The following ACSS3 variants were observed in gnomAD, a reference collection of about 807,000 sequenced individuals.
ACSS3 encodes the protein acyl-CoA synthetase short-chain family member 3, mitochondrial.
In ACSS3, 64 loss-of-function variants were observed where a neutral mutation model predicts 84.2. The ratio of observed to expected loss-of-function variants is 0.76; its 90% CI spans 0.62 to 0.94. ACSS3 has a LOEUF of 0.94. Among genes scored for constraint, ACSS3 ranks in the 40% least tolerant of loss-of-function variants. ACSS3 has a pLI of 0.00. For synonymous variants in ACSS3, 317 were observed against 310.1 expected, an observed-to-expected ratio of 1.02 and a Z score of -0.23; for missense variants, 815 against 867.6, an observed-to-expected ratio of 0.94 and a Z score of 0.76.
intron 13 of ACSS3, among the ~76,000 whole-genome samples, chr12:81,250,187 G>A (rs1441082467): frequency 6.6e-6 from 1 of 151,990 alleles, no homozygotes; most frequent in Non-Finnish European, 1.5e-5. Flanking sequence ...TCCCTTGAAT[G>A]TTGCCAAGAC....
At chr12:81,158,380 G>A (rs114290898) in intron 7 of ACSS3, 35 of 153,430 alleles carry the variant, frequency 2.3e-4, no homozygotes, top group African/African-American at 8.5e-4. Flanking sequence ...ACACTCAACA[G>A]CTTCAACAGC....
intron 7 of ACSS3, among the ~76,000 whole-genome samples, chr12:81,165,632 C>T (rs948054890): frequency 2.0e-5 from 3 of 149,890 alleles, no homozygotes; most frequent in Non-Finnish European, 3.0e-5. Context: ...GGCAACAGAG[C>T]GAGACTCTGT....
At chr12:81,183,671 A>G (rs879606640) in intron 8 of ACSS3, among the ~76,000 whole-genome samples, 6 of 152,050 alleles carry the variant, frequency 3.9e-5, no homozygotes, top group Non-Finnish European at 5.9e-5. Context: ...GATAAAATAG[A>G]CTTCAAATCA....
At chr12:81,178,846 G>T (rs775349680) in intron 8 of ACSS3, among the ~76,000 whole-genome samples, 1 of 152,112 alleles carries the variant, frequency 6.6e-6, no homozygotes, top group Non-Finnish European at 1.5e-5. Flanking sequence ...AAAGCAATTT[G>T]AAACAAAAAG....
intron 7 of ACSS3, among the ~76,000 whole-genome samples, chr12:81,156,930 G>C (rs1365993773): frequency 6.6e-6 from 1 of 152,120 alleles, no homozygotes; most frequent in African/African-American, 2.4e-5. Flanking sequence ...ATGTTTAAGG[G>C]AGAATCAATA....
At chr12:81,127,223 G>A (rs889478018) in intron 2 of ACSS3, among the ~76,000 whole-genome samples, 3 of 151,714 alleles carry the variant, frequency 2.0e-5, no homozygotes, top group Non-Finnish European at 4.4e-5. Flanking sequence ...AATTGTAACT[G>A]TCTAAAAATG....
intron 11 of ACSS3, among the ~76,000 whole-genome samples, chr12:81,224,866 G>C (rs1232006568): frequency 6.6e-6 from 1 of 151,784 alleles, no homozygotes; most frequent in Non-Finnish European, 1.5e-5. Context: ...TTGGTTATCA[G>C]ATCGGCTGTC....
intron 1 of ACSS3, among the ~76,000 whole-genome samples, chr12:81,101,874 T>G (rs1384261074): frequency 6.6e-6 from 1 of 152,172 alleles, no homozygotes; most frequent in African/African-American, 2.4e-5. Flanking sequence ...CATTTTGTTT[T>G]CATCAGTGGA....
intron 2 of ACSS3, chr12:81,124,476 T>G (rs1461969751): frequency 6.6e-6 from 1 of 152,214 alleles, no homozygotes; most frequent in Non-Finnish European, 1.5e-5. Flanking sequence ...CAATCCAATT[T>G]CTTATTGTCT....
chr12:81,172,412 C>G (rs751563973), intron 7 of ACSS3, among the ~76,000 whole-genome samples: 14 of 152,040 alleles, frequency 9.2e-5, no homozygotes, highest in Non-Finnish European at 1.9e-4. Flanking sequence ...TGAGCACATC[C>G]CAGCACAGTT....
intron 8 of ACSS3, among the ~76,000 whole-genome samples, chr12:81,183,419 A>G (rs2031067278): frequency 6.6e-6 from 1 of 152,164 alleles, no homozygotes; most frequent in Admixed American, 6.5e-5. Context: ...AGAAGCTACA[A>G]AATAACTAGA....
chr12:81,253,320 A>G lies in ACSS3; in HGVS notation c.1733A>G (p.His578Arg). 1.9e-6 allele frequency: 3 copies of G among 1,613,778 alleles called. No homozygotes were observed. The highest frequency in any genetic ancestry group is 1.7e-6 in the Non-Finnish European group (2 of 1,179,802). Residue 578 changes from histidine (H) to arginine (R), a missense_variant, in exon 14 of 16, where the codon CAT becomes CGT. Physicochemically the swap from His to Arg is conservative, Grantham distance 29. Transcript: ENST00000548058. ...TCCTTATTACAGTCAATCCTTTCCC[A>G]TGGTACCGTGGCAGACTGTGCTGTT... ...AGAIEESILS[H>R]GTVADCAVVG...
At chr12:81,189,869 C>T (rs962666830) in intron 8 of ACSS3, among the ~76,000 whole-genome samples, 15 of 152,036 alleles carry the variant, frequency 9.9e-5, no homozygotes, top group African/African-American at 2.9e-4. Context: ...TGAAGTAAGG[C>T]GCTGAGTTTT....
intron 7 of ACSS3, among the ~76,000 whole-genome samples, chr12:81,152,433 CT>C (rs986880527): frequency 6.6e-6 from 1 of 152,042 alleles, no homozygotes; most frequent in African/African-American, 2.4e-5. Context: ...GTAGATTCAC[CT>C]TTTTTATTTT....
chr12:81,154,059 G>A (rs947798872), intron 7 of ACSS3, among the ~76,000 whole-genome samples: 4 of 152,086 alleles, frequency 2.6e-5, no homozygotes, highest in Non-Finnish European at 5.9e-5. Context: ...TTAGGTATTT[G>A]TAATAATTAA....
intron 11 of ACSS3, among the ~76,000 whole-genome samples, chr12:81,227,404 C>CAA (rs759099196): frequency 4.6e-5 from 7 of 151,192 alleles, no homozygotes; most frequent in South Asian, 2.1e-4. Context: ...TATTTACACA[C>CAA]ACACACACAC....
At chr12:81,253,274 T>C (rs777780430) in intron 13 of ACSS3, 33 bp from the exon 14 acceptor site, 10 of 1,565,060 alleles carry the variant, frequency 6.4e-6, no homozygotes, top group Middle Eastern at 1.7e-4. Flanking sequence ...GGTAAATAAA[T>C]GTATTCTAAA....
intron 13 of ACSS3, among the ~76,000 whole-genome samples, chr12:81,249,312 G>A (rs754572288): frequency 6.6e-6 from 1 of 152,002 alleles, no homozygotes; most frequent in Non-Finnish European, 1.5e-5. Context: ...TTCATACAAA[G>A]AAATGTACAG....
At position 81,109,827 on chromosome 12, in the gene ACSS3, T is replaced by G. The variant is rs2121512647; in HGVS notation, c.456+123T>G. 9 of 818,988 alleles carry G rather than the reference T, an allele frequency of 1.1e-5. No homozygotes were observed. The East Asian group carries it at 2.4e-4, about 22-fold the overall frequency. The allele number at this position is 818,988 out of a possible 1,614,324, so 50.7% of individuals were successfully genotyped here. ...TTGAAATATGTTGCCATGCTTTTCTTTTGATACACATTGGAAATGAATACA... is the reference window on the plus strand; with the variant it reads ...TTGAAATATGTTGCCATGCTTTTCTGTTGATACACATTGGAAATGAATACA... On this transcript the variant is annotated intron_variant, in intron 2 of 15. Coordinates refer to ENST00000548058, the MANE Select transcript of ACSS3 (RefSeq NM_024560.4).
Sources: allele counts gnomAD v4.1 joint callset (sites outside exome capture counted in the v4.1 genomes callset), GRCh38; gene constraint gnomAD v4.1.1; transcripts MANE v1.5; gene names NCBI Gene and HGNC (gene_info 2026-07-23, HGNC 2026-07-21).